The following SHANK2 variants were observed in gnomAD, a reference collection of about 807,000 sequenced individuals.
The protein encoded by SHANK2 is SH3 and multiple ankyrin repeat domains protein 2.
Under a neutral mutation model 133.7 loss-of-function variants are expected in SHANK2, and 43 were observed. The ratio of observed to expected loss-of-function variants is 0.32; its 90% CI spans 0.25 to 0.41. SHANK2 has a LOEUF of 0.41. Among genes scored for constraint, SHANK2 ranks in the 10% least tolerant of loss-of-function variants. The pLI, the probability that SHANK2 is intolerant of heterozygous loss-of-function variation, is 1.00. For missense variants in SHANK2, 1,994 were observed against 2,235.8 expected (o/e 0.89, Z 2.18); for synonymous variants, 1,017 against 952.8 (o/e 1.07, Z -1.24).
At chr11:70,769,055 C>A (rs1432365488) in intron 14 of SHANK2, among the ~76,000 whole-genome samples, 6 of 152,146 alleles carry the variant, frequency 3.9e-5, no homozygotes, top group African/African-American at 1.4e-4. Context: ...ACCACTCTTC[C>A]CCAGGTGTAA....
At chr11:71,101,609 C>T (rs1951717059) in intron 6 of SHANK2, among the ~76,000 whole-genome samples, 1 of 152,236 alleles carries the variant, frequency 6.6e-6, no homozygotes, top group Non-Finnish European at 1.5e-5. Context: ...CCTCACATTC[C>T]CGGGTGCCGT....
At chr11:71,145,406 G>A (rs1377297054) in intron 3 of SHANK2, among the ~76,000 whole-genome samples, 2 of 152,252 alleles carry the variant, frequency 1.3e-5, no homozygotes, top group African/African-American at 2.4e-5. Context: ...TGTGGCCCAC[G>A]GGCCTTGGGT....
At position 70,471,520 on chromosome 11, in the gene SHANK2, G is replaced by A; in HGVS notation, c.*1349C>T. 4 of 397,762 alleles carry A rather than the reference G, an allele frequency of 1.0e-5. No homozygotes were observed. Among genetic ancestry groups the A allele is most frequent in the Non-Finnish European group, 1.8e-5 (4 of 225,884 alleles). The allele number at this position is 397,762 out of a possible 1,614,324, so 24.6% of individuals were successfully genotyped here. A position where few individuals can be genotyped will look rare whatever the true frequency, so the allele number is the denominator to read the frequency against. On this transcript the variant is annotated 3_prime_UTR_variant, in exon 26 of 26. Coordinates refer to ENST00000601538, the MANE Select transcript of SHANK2 (RefSeq NM_012309.5). The surrounding 1 kb of genome is among the most constrained non-coding windows in gnomAD (Gnocchi z 4.1). ...AAAGCCTTGCCAGAGAGGCTGACCTGGCAGCCCAGGAGACCTCCCTGCTTT... is the reference window on the plus strand; with the variant it reads ...AAAGCCTTGCCAGAGAGGCTGACCTAGCAGCCCAGGAGACCTCCCTGCTTT...
At chr11:70,686,664 G>A (rs1945161512) in intron 15 of SHANK2, among the ~76,000 whole-genome samples, 2 of 152,132 alleles carry the variant, frequency 1.3e-5, no homozygotes, top group South Asian at 2.1e-4. Context: ...GACAGGGGTG[G>A]GCAGAGAAAA....
intron 9 of SHANK2, among the ~76,000 whole-genome samples, chr11:71,057,919 T>G (rs1183394173): frequency 6.7e-6 from 1 of 149,746 alleles, no homozygotes; most frequent in Non-Finnish European, 1.5e-5. Flanking sequence ...AAACGGTTTT[T>G]TTTTTTTTTT....
intron 17 of SHANK2, among the ~76,000 whole-genome samples, chr11:70,619,500 A>G (rs1419514483): frequency 6.6e-6 from 1 of 152,182 alleles, no homozygotes; most frequent in African/African-American, 2.4e-5. Context: ...AGGCCCCCCT[A>G]AGCGATCCGT....
chr11:70,854,674 TC>T (rs1949140384), intron 11 of SHANK2, among the ~76,000 whole-genome samples: 1 of 151,946 alleles, frequency 6.6e-6, no homozygotes, highest in Non-Finnish European at 1.5e-5. Flanking sequence ...CAGTGAAAGG[TC>T]CCGCCAAAGC....
At chr11:70,526,059 C>T (rs781977247) in intron 17 of SHANK2, among the ~76,000 whole-genome samples, 16 of 145,372 alleles carry the variant, frequency 1.1e-4, no homozygotes, top group African/African-American at 3.8e-4. Flanking sequence ...AACAGAGATC[C>T]GGAGAGTAAT....
chr11:71,222,048 T>C (rs1954551974), intron 2 of SHANK2, among the ~76,000 whole-genome samples: 1 of 152,100 alleles, frequency 6.6e-6, no homozygotes, highest in African/African-American at 2.4e-5. Context: ...TTGGTGATTC[T>C]GGCTCACCCT....
chr11:70,742,439 T>C (rs1445596502), intron 14 of SHANK2, among the ~76,000 whole-genome samples: 1 of 152,220 alleles, frequency 6.6e-6, no homozygotes, highest in Admixed American at 6.5e-5. Flanking sequence ...GGTAGGCATA[T>C]TAGTTCTCTG....
intron 2 of SHANK2, among the ~76,000 whole-genome samples, chr11:71,223,885 G>C (rs1452433957): frequency 2.0e-5 from 3 of 152,120 alleles, no homozygotes; most frequent in East Asian, 3.9e-4. Flanking sequence ...GTCTGGCATG[G>C]GCACGTTGGT....
intron 14 of SHANK2, among the ~76,000 whole-genome samples, chr11:70,779,961 G>C (rs548332391): frequency 2.8e-4 from 18 of 63,466 alleles, no homozygotes; most frequent in Admixed American, 8.2e-4. Context: ...CAGGACTCTC[G>C]CTAAGAAGCT....
chr11:70,490,144 G>T, intron 23 of SHANK2, 132 bp downstream of exon 23: 2 of 735,914 alleles, frequency 2.7e-6, no homozygotes, highest in Non-Finnish European at 4.8e-6. Context: ...TGGTGGGTGG[G>T]CTGGCAGGGC....
intron 9 of SHANK2, among the ~76,000 whole-genome samples, chr11:71,068,855 C>A (rs1951103462): frequency 6.6e-6 from 1 of 151,710 alleles, no homozygotes; most frequent in African/African-American, 2.4e-5. Flanking sequence ...GTCACCATGA[C>A]CACTGTCATC....
At chr11:70,867,716 C>T (rs991673211) in intron 11 of SHANK2, among the ~76,000 whole-genome samples, 3 of 152,226 alleles carry the variant, frequency 2.0e-5, no homozygotes, top group East Asian at 1.9e-4. Context: ...ATTTACCCAG[C>T]GGCACAGAGT....
At chr11:70,525,443 G>T (rs1565097385) in intron 17 of SHANK2, among the ~76,000 whole-genome samples, 1 of 152,144 alleles carries the variant, frequency 6.6e-6, no homozygotes, top group Non-Finnish European at 1.5e-5. Context: ...CCAGCCAGCA[G>T]GCCCAGGGAT....
chr11:70,694,810 C>T (rs1555021866), intron 15 of SHANK2, among the ~76,000 whole-genome samples: 1 of 152,150 alleles, frequency 6.6e-6, no homozygotes, highest in Non-Finnish European at 1.5e-5. Context: ...CCCATGCTGC[C>T]TGCCCTCCTT....
intron 11 of SHANK2, among the ~76,000 whole-genome samples, chr11:70,847,102 C>A (rs1949008465): frequency 6.6e-6 from 1 of 152,180 alleles, no homozygotes; most frequent in Non-Finnish European, 1.5e-5. Flanking sequence ...GGACCTCTGC[C>A]CCGGCCCATC....
intron 17 of SHANK2, among the ~76,000 whole-genome samples, chr11:70,572,222 C>T (rs898210888): frequency 7.2e-5 from 11 of 152,228 alleles, no homozygotes; most frequent in Admixed American, 1.3e-4. Context: ...TGCAGTGGCA[C>T]GATCTCGGCT....
Sources: allele counts gnomAD v4.1 joint callset (sites outside exome capture counted in the v4.1 genomes callset), GRCh38; gene constraint gnomAD v4.1.1; non-coding constraint Gnocchi (gnomAD v3.1); transcripts MANE v1.5; gene names NCBI Gene and HGNC (gene_info 2026-07-23, HGNC 2026-07-21).